Variants in KIF14 observed in about 807,000 individuals in gnomAD.
KIF14 encodes kinesin-like protein KIF14.
A neutral mutation model predicts 176.2 loss-of-function variants in KIF14; 98 were observed. That is an observed-to-expected ratio of 0.56 (90% CI 0.47 to 0.66). The LOEUF is 0.66. Ranked by LOEUF, KIF14 falls within the 30% of genes least tolerant of loss-of-function variation. The pLI, the probability that KIF14 is intolerant of heterozygous loss-of-function variation, is 0.00. For missense variants in KIF14, 1,751 were observed against 1,920.4 expected, an observed-to-expected ratio of 0.91 and a Z score of 1.65; for synonymous variants, 566 against 632.2, an observed-to-expected ratio of 0.90 and a Z score of 1.57.
intron 23 of KIF14, among the ~76,000 whole-genome samples, chr1:200,567,532 T>TAAAAAAAAAAAAA (rs35456574): frequency 8.1e-4 from 104 of 127,702 alleles, no homozygotes; most frequent in Non-Finnish European, 1.4e-3. Flanking sequence ...AGACTCCGTC[T>TAAAAAAAAAAAAA]AAAAAAAAAA....
At chr1:200,606,917 G>GAA (rs397971195) in intron 5 of KIF14, 119 bp from the exon 6 acceptor site, 1,607 of 644,838 alleles carry the variant, frequency 2.5e-3, no homozygotes, top group South Asian at 4.4e-3. Flanking sequence ...TTTTATCCAG[G>GAA]AAAAAAAAAA....
Position 200,608,916 on chromosome 1 carries a change from T to C in KIF14, c.1468A>G (p.Ile490Val), listed in dbSNP as rs777007403. ...TATACTTCAAAGAAGCTCATTTCAA[T>C]GTGATAGCTGACCTAGTAGGAATAG... The part of the protein sequence containing the change: ...RKQTQEVSYH[I>V]EMSFFEVYNE... The change falls in exon 5 of 30, where the codon ATT becomes GTT. Residue 490 changes from isoleucine to valine, a missense_variant. Transcript: ENST00000367350. The C allele has an allele frequency of 2.5e-6, 4 of 1,587,994 alleles. No homozygotes were observed. Among genetic ancestry groups the C allele is most frequent in the East Asian group, 2.2e-5 (1 of 44,640 alleles).
In KIF14 at chr1:200,601,918, A is replaced by G. The variant is rs756922547; in HGVS notation, c.2130T>C (p.Asp710=). 32 of 1,609,358 alleles carry G rather than the reference A, an allele frequency of 2.0e-5. No homozygotes were observed. Among genetic ancestry groups the G allele is most frequent in the Non-Finnish European group, 2.5e-5 (30 of 1,178,458 alleles). Residue 710 remains aspartate (D), a synonymous_variant, in exon 11 of 30, where the codon GAT becomes GAC. Transcript: ENST00000367350. ...CACCTCTAATTAACTTAGCGTTCAT[A>G]TCTTCATTTACTTTAGCAATGTTGA... The part of the protein sequence containing the change: ...LIVNIAKVNE[D]MNAKLIRELK...
Position 200,618,537 on chromosome 1 carries a change from T to C in KIF14, c.187A>G (p.Ile63Val). Residue 63 changes from isoleucine (I) to valine (V), a missense_variant, in exon 2 of 30, where the codon ATA becomes GTA. Ile to Val is a conservative substitution (Grantham distance 29). Transcript: ENST00000367350. The stretch of plus-strand genomic sequence containing the variant: ...GCAGAAATAACATAAGTTCTATTTA[T>C]GTCTCTGACTTTACCTGCAGATCTC... ...LLRSAGKVRD[I>V]NRTYVISASR... is the part of the protein sequence containing the mutation. The C allele has an allele frequency of 1.2e-6, 2 of 1,614,206 alleles. No individual in the cohort carries two copies. The highest frequency in any genetic ancestry group is 1.7e-6 in the Non-Finnish European group (2 of 1,180,012).
At chr1:200,560,003 C>G (rs1657045730) in intron 26 of KIF14, among the ~76,000 whole-genome samples, 1 of 152,200 alleles carries the variant, frequency 6.6e-6, no homozygotes, top group South Asian at 2.1e-4. Flanking sequence ...GATCCACCAG[C>G]CTTGGCCTCC....
Position 200,560,659 on chromosome 1 carries a change from C to G in KIF14, c.4230+63G>C, listed in dbSNP as rs746138826. The G allele has an allele frequency of 2.2e-4, 339 of 1,524,536 alleles. 1 individual carries two copies. Among genetic ancestry groups the G allele is most frequent in the Non-Finnish European group, 2.9e-4 (321 of 1,100,802 alleles). 94.4% of individuals were successfully genotyped at this position (1,524,536 alleles called of 1,614,324 possible). On this transcript the variant is annotated intron_variant, in intron 26 of 29. Coordinates refer to ENST00000367350, the MANE Select transcript of KIF14 (RefSeq NM_014875.3). ...AGAACTTGCCATGTTTAGTACTGTACTATTATCAAAAGTCTAATGTTCCCT... is the reference window on the plus strand; with the variant it reads ...AGAACTTGCCATGTTTAGTACTGTAGTATTATCAAAAGTCTAATGTTCCCT...
chr1:200,612,587 C>A (rs1053887882), intron 4 of KIF14, among the ~76,000 whole-genome samples: 4 of 152,022 alleles, frequency 2.6e-5, no homozygotes, highest in African/African-American at 9.7e-5. Context: ...TCTATTGATC[C>A]CCATACTCCT....
chr1:200,582,733 C>T (rs1421489162), intron 19 of KIF14, among the ~76,000 whole-genome samples: 1 of 151,940 alleles, frequency 6.6e-6, no homozygotes, highest in African/African-American at 2.4e-5. Flanking sequence ...GCCTGTAGTC[C>T]CAGCTACTCG....
At chr1:200,576,075 T>C (rs1256014328) in intron 21 of KIF14, among the ~76,000 whole-genome samples, 2 of 152,262 alleles carry the variant, frequency 1.3e-5, no homozygotes, top group Non-Finnish European at 2.9e-5. Context: ...ATATTTTACA[T>C]ATTTAACGTA....
chr1:200,600,315 G>C (rs1659560970), intron 12 of KIF14, 41 bp downstream of exon 12: 1 of 1,599,220 alleles, frequency 6.3e-7, no homozygotes, highest in East Asian at 2.2e-5. Flanking sequence ...TATGATTCCA[G>C]AGCAACACAC....
chr1:200,579,086 T>A (rs1658301534), intron 21 of KIF14, among the ~76,000 whole-genome samples: 1 of 151,124 alleles, frequency 6.6e-6, no homozygotes, highest in Non-Finnish European at 1.5e-5. Flanking sequence ...TGAGATTCCG[T>A]CTCAAAAAAA....
chr1:200,599,892 T>C (rs1050544291), intron 13 of KIF14, among the ~76,000 whole-genome samples, 158 bp downstream of exon 13: 1 of 152,248 alleles, frequency 6.6e-6, no homozygotes, highest in Non-Finnish European at 1.5e-5. Context: ...ATCTTAACAT[T>C]TCTTTATATT....
At position 200,608,706 on chromosome 1, in the gene KIF14, C is replaced by A. The variant is rs371134449; in HGVS notation, c.1554+124G>T. ...TAAATAATCTAATTGGACTGTAGATCCAAGCATTTGCTTTCATATAATTCT... is the reference window on the plus strand; with the variant it reads ...TAAATAATCTAATTGGACTGTAGATACAAGCATTTGCTTTCATATAATTCT... On this transcript the variant is annotated intron_variant, in intron 5 of 29. Transcript: ENST00000367350. 9.2e-5 allele frequency: 58 copies of A among 629,796 alleles called. No individual in the cohort carries two copies. The African/African-American group carries it at 1.0e-3, about 11-fold the overall frequency. The allele number at this position is 629,796 out of a possible 1,614,324, so 39.0% of individuals were successfully genotyped here.
In KIF14 at chr1:200,618,462, A is replaced by G. The variant is rs139388122; in HGVS notation, c.262T>C (p.Leu88=). ...MPLTPNPVGR[L]ALQRRTTRNK... is the part of the protein sequence containing the mutation. ...CTTGTAGTTCTCCTCTGAAGTGCCA[A>G]TCTACCTACAGGATTAGGGGTAAGG... Residue 88 remains leucine (L), a synonymous_variant, in exon 2 of 30, where the codon TTG becomes CTG. Transcript: ENST00000367350. 1,946 of 1,614,068 alleles carry G rather than the reference A, an allele frequency of 1.2e-3. 1 individual carries two copies. The highest frequency in any genetic ancestry group is 1.6e-3 in the Non-Finnish European group (1,877 of 1,180,032).
At chr1:200,605,239 C>T (rs1361873949) in intron 8 of KIF14, 44 bp downstream of exon 8, 1 of 1,525,802 alleles carries the variant, frequency 6.6e-7, no homozygotes, top group African/African-American at 1.4e-5. Context: ...GGGTTATCAC[C>T]AGGGTGAAAA....
intron 28 of KIF14, among the ~76,000 whole-genome samples, chr1:200,554,862 C>T (rs1478066043): frequency 6.6e-6 from 1 of 152,046 alleles, no homozygotes; most frequent in Non-Finnish European, 1.5e-5. Context: ...AGTAACAGTG[C>T]CATTTATTAT....
chr1:200,574,894 C>T (rs1468235680), intron 22 of KIF14, among the ~76,000 whole-genome samples: 1 of 147,894 alleles, frequency 6.8e-6, no homozygotes, highest in East Asian at 2.0e-4. Context: ...CTGTAACTTA[C>T]AAGAAAATAT....
chr1:200,618,773 T>G lies in KIF14; in HGVS notation c.-50A>C. The G allele has an allele frequency of 3.9e-5, 54 of 1,390,194 alleles. No homozygotes were observed. The highest frequency in any genetic ancestry group is 5.0e-5 in the Non-Finnish European group (51 of 1,028,078). The allele number at this position is 1,390,194 out of a possible 1,614,324, so 86.1% of individuals were successfully genotyped here. ...AGAATGTTACTAAGACCCTAAGCTC[T>G]TCTTTGGACATTCATTTGATTTCCA... On this transcript the variant is annotated 5_prime_UTR_variant, in exon 2 of 30. Transcript: ENST00000367350.
Position 200,553,703 on chromosome 1 carries a change from A to G in KIF14, c.4632T>C (p.Asp1544=). 1 of 1,612,762 alleles carries G rather than the reference A, an allele frequency of 6.2e-7. No individual in the cohort carries two copies. Among genetic ancestry groups the G allele is most frequent in the Non-Finnish European group, 8.5e-7 (1 of 1,178,976 alleles). The part of the protein sequence containing the change: ...CVESIRNLAS[D]FYSDFSVPST... ...AAGGCACACTGAAGTCACTGTAAAA[A>G]TCACTGGCCAAGTTGCGAATACTTT... Residue 1544 remains aspartate, a synonymous_variant, in exon 30 of 30, where the codon GAT becomes GAC. Transcript: ENST00000367350.
Sources: allele counts gnomAD v4.1 joint callset (sites outside exome capture counted in the v4.1 genomes callset), GRCh38; gene constraint gnomAD v4.1.1; transcripts MANE v1.5; gene names NCBI Gene and HGNC (gene_info 2026-07-23, HGNC 2026-07-21).